Variants in SLC4A4 observed in about 807,000 individuals in gnomAD.
The protein encoded by SLC4A4 is solute carrier family 4 member 4.
A neutral mutation model predicts 111.5 loss-of-function variants in SLC4A4; 27 were observed. The observed-to-expected ratio is 0.24, with a 90% CI of 0.18 to 0.33. The LOEUF is 0.33. SLC4A4 is among the 10% of genes least tolerant of loss of function. The probability of loss-of-function intolerance (pLI) is 1.00; values close to 1 mark genes in which losing one functional copy is unlikely to be tolerated. For missense variants in SLC4A4, 909 were observed against 1,315.5 expected (o/e 0.69, Z 4.78); for synonymous variants, 443 against 463.4 (o/e 0.96, Z 0.57).
chr4:71,139,545 G>A (rs1479099574), intron 2 of SLC4A4, among the ~76,000 whole-genome samples: 1 of 152,156 alleles, frequency 6.6e-6, no homozygotes, highest in Admixed American at 6.5e-5. Flanking sequence ...TTGATGATAA[G>A]CCCTGCCCAT....
At chr4:71,128,798 C>G (rs1377347572) in intron 2 of SLC4A4, among the ~76,000 whole-genome samples, 1 of 152,106 alleles carries the variant, frequency 6.6e-6, no homozygotes, top group Non-Finnish European at 1.5e-5. Flanking sequence ...CAAAGACATT[C>G]AAAATTTGAC....
rs375000038 is a variant in SLC4A4 at position 71,383,028 on chromosome 4, AG to A, written c.731-14548del. Reference sequence around the variant, plus strand: ...CCACTGGCTTAAGCAATCTTTAACTAGTATAACTAGGCCCAGTGAAGCATTC... The same window carrying A: ...CCACTGGCTTAAGCAATCTTTAACTATATAACTAGGCCCAGTGAAGCATTC... On this transcript the variant is annotated intron_variant, in intron 6 of 25. Transcript: ENST00000264485. Among the ~76,000 whole-genome samples, 130 of 152,312 alleles carry A rather than the reference AG, an allele frequency of 8.5e-4. 1 individual carries two copies. The highest frequency in any genetic ancestry group is 2.8e-3 in the African/African-American group (118 of 41,570).
At chr4:71,283,873 T>C (rs1723714202) in intron 3 of SLC4A4, among the ~76,000 whole-genome samples, 1 of 152,220 alleles carries the variant, frequency 6.6e-6, no homozygotes, top group Admixed American at 6.5e-5. Flanking sequence ...ATGAGCTTTT[T>C]ATAGTCCTCC....
Position 71,521,851 on chromosome 4 carries a change from C to T in SLC4A4, c.2167-10211C>T, listed in dbSNP as rs139330634. Among the ~76,000 whole-genome samples the T allele has an allele frequency of 2.6e-5, 4 of 152,254 alleles. No individual in the cohort carries two copies. In the East Asian group the frequency reaches 7.7e-4, roughly 29 times the overall value. On this transcript the variant is annotated intron_variant, in intron 16 of 25. Transcript: ENST00000264485. ...TTTATCAAATTAAACTTATCACAGT[C>T]CTTTTCTGATAAGTTTATTCCACTG...
chr4:71,113,141 G>T (rs1743140960), intron 2 of SLC4A4, among the ~76,000 whole-genome samples: 1 of 152,174 alleles, frequency 6.6e-6, no homozygotes, highest in African/African-American at 2.4e-5. Flanking sequence ...AGTGGAGGAG[G>T]CTCCTGGAGA....
At chr4:71,332,234 T>A (rs1728058613) in intron 3 of SLC4A4, among the ~76,000 whole-genome samples, 1 of 152,116 alleles carries the variant, frequency 6.6e-6, no homozygotes, top group Admixed American at 6.5e-5. Context: ...ATTTTGCTTT[T>A]CTATAATAGT....
chr4:71,158,605 G>A (rs1382320981), intron 2 of SLC4A4, among the ~76,000 whole-genome samples: 1 of 152,176 alleles, frequency 6.6e-6, no homozygotes, highest in African/African-American at 2.4e-5. Flanking sequence ...AGTCCCTTTA[G>A]CCTTGTAGCA....
intron 6 of SLC4A4, among the ~76,000 whole-genome samples, chr4:71,387,491 T>C (rs1348087645): frequency 6.6e-6 from 1 of 152,104 alleles, no homozygotes; most frequent in African/African-American, 2.4e-5. Flanking sequence ...CTACTTCAAG[T>C]ATTTATTTAT....
At chr4:71,443,116 C>CTCTCTATATATATATATATATA (rs1198759861) in intron 8 of SLC4A4, among the ~76,000 whole-genome samples, 1 of 65,658 alleles carries the variant, frequency 1.5e-5, no homozygotes, top group African/African-American at 8.7e-5. Context: ...CTCTCTCTCT[C>CTCTCTATATATATATATATATA]TATATATATA....
chr4:71,344,031 C>T (rs1053100528), intron 4 of SLC4A4, among the ~76,000 whole-genome samples: 3 of 152,078 alleles, frequency 2.0e-5, no homozygotes, highest in Non-Finnish European at 4.4e-5. Context: ...CCCAATGCTT[C>T]CTATCCCTCA....
intron 2 of SLC4A4, among the ~76,000 whole-genome samples, chr4:71,115,501 T>C (rs952550363): frequency 1.8e-4 from 28 of 152,286 alleles, no homozygotes; most frequent in African/African-American, 5.8e-4. Flanking sequence ...GGGAATCAAT[T>C]TGATGACTTG....
chr4:71,201,722 GT>G (rs1381557878), intron 1 of SLC4A4, among the ~76,000 whole-genome samples: 1 of 152,150 alleles, frequency 6.6e-6, no homozygotes, highest in Non-Finnish European at 1.5e-5. Context: ...TCTGAAAGCT[GT>G]TAATACTCTC....
At chr4:71,563,696 T>C (rs779553376) in intron 23 of SLC4A4, 97 bp from the exon 24 acceptor site, 1 of 812,866 alleles carries the variant, frequency 1.2e-6, no homozygotes. Context: ...CTTAGTAGTA[T>C]GTAAATGATT....
chr4:71,269,910 C>T (rs1305386084), intron 3 of SLC4A4, among the ~76,000 whole-genome samples: 2 of 152,176 alleles, frequency 1.3e-5, no homozygotes, highest in Non-Finnish European at 2.9e-5. Context: ...TTCTCGTGAT[C>T]TGTGAGGTAA....
chr4:71,516,818 G>A (rs1311493541), intron 16 of SLC4A4, among the ~76,000 whole-genome samples: 1 of 152,178 alleles, frequency 6.6e-6, no homozygotes, highest in Non-Finnish European at 1.5e-5. Context: ...TTCGAGGTAT[G>A]TTTCTCTAGT....
chr4:71,547,779 G>C (rs1735662642), intron 20 of SLC4A4, 59 bp downstream of exon 20: 2 of 1,371,928 alleles, frequency 1.5e-6, no homozygotes, highest in African/African-American at 1.4e-5. Flanking sequence ...AATTGGACAT[G>C]TGAAGAGTGA....
chr4:71,252,997 A>G (rs1009158458), intron 2 of SLC4A4, among the ~76,000 whole-genome samples: 2 of 152,192 alleles, frequency 1.3e-5, no homozygotes, highest in African/African-American at 2.4e-5. Flanking sequence ...ATAGCACTTC[A>G]CAGTGCAGTG....
intron 1 of SLC4A4, among the ~76,000 whole-genome samples, chr4:71,214,635 A>G (rs772679586): frequency 6.6e-6 from 1 of 152,222 alleles, no homozygotes; most frequent in African/African-American, 2.4e-5. Context: ...TCAATAAGGC[A>G]CATGATCTGA....
intron 2 of SLC4A4, among the ~76,000 whole-genome samples, chr4:71,148,918 T>G (rs1744248705): frequency 6.6e-6 from 1 of 152,202 alleles, no homozygotes; most frequent in African/African-American, 2.4e-5. Context: ...GTAAGGGGAT[T>G]GCTGGGTTGA....
Sources: gnomAD v4.1 joint callset for allele counts (sites outside exome capture counted in the v4.1 genomes callset) on GRCh38, gnomAD v4.1.1 for gene constraint, MANE v1.5 for transcripts, NCBI Gene and HGNC (gene_info 2026-07-23, HGNC 2026-07-21) for gene names.